Variants in TDRD6 observed in about 807,000 individuals in gnomAD.
The protein encoded by TDRD6 is tudor domain-containing protein 6.
A neutral mutation model predicts 157.5 loss-of-function variants in TDRD6; 186 were observed. The ratio of observed to expected loss-of-function variants is 1.18; its 90% CI spans 1.05 to 1.33. TDRD6 has a LOEUF of 1.33. Ranked by LOEUF, TDRD6 falls within the 40% of genes most tolerant of loss-of-function variation. TDRD6 has a pLI of 0.00. For missense variants in TDRD6, 3,066 were observed against 2,508.0 expected, an observed-to-expected ratio of 1.22 and a Z score of -4.75; for synonymous variants, 1,075 against 945.2, an observed-to-expected ratio of 1.14 and a Z score of -2.52.
intron 2 of TDRD6, among the ~76,000 whole-genome samples, chr6:46,696,594 T>TATATATATATAG (rs1764508540): frequency 2.4e-5 from 1 of 42,190 alleles, no homozygotes; most frequent in East Asian, 6.2e-4. Flanking sequence ...TATATATATA[T>TATATATATATAG]ATATATATTT....
rs1165374390 is a variant in TDRD6, at chr6:46,688,118, G to T, written c.-11G>T. ...AATTTCCGGAAGTGGGGGCCGCGCC[G>T]CGCCGTCAAGATGTGCTCGACGCCC... On this transcript the variant is annotated 5_prime_UTR_variant, in exon 1 of 4. Transcript: ENST00000316081. 6.7e-7 allele frequency: 1 copy of T among 1,497,466 alleles called. No homozygotes were observed. The highest frequency in any genetic ancestry group is 8.8e-7 in the Non-Finnish European group (1 of 1,132,636). 92.8% of individuals were successfully genotyped at this position (1,497,466 alleles called of 1,614,324 possible).
chr6:46,690,604 A>G lies in TDRD6; in HGVS notation c.2476A>G (p.Lys826Glu). The G allele has an allele frequency of 1.9e-6, 3 of 1,614,220 alleles. No individual in the cohort carries two copies. Among genetic ancestry groups the G allele is most frequent in the Non-Finnish European group, 2.5e-6 (3 of 1,180,026 alleles). Residue 826 changes from lysine (K) to glutamate (E), a missense_variant, in exon 1 of 4, where the codon AAG becomes GAG. By Grantham distance (56) the Lys-to-Glu change is moderately conservative. Coordinates refer to ENST00000316081, the MANE Select transcript of TDRD6 (RefSeq NM_001010870.3). ...GAGAAACACCCTTGCTTGTTTGGCT[A>G]AGCGAACAGTAAACAGACAGTGGTC... is the stretch of plus-strand genomic sequence containing the variant. ...HQRNTLACLA[K>E]RTVNRQWSRA...
intron 2 of TDRD6, among the ~76,000 whole-genome samples, chr6:46,697,091 T>C (rs1265881969): frequency 7.2e-5 from 11 of 152,162 alleles, no homozygotes; most frequent in Admixed American, 7.2e-4. Context: ...TAAGTGTTTA[T>C]GTACTCTCTT....
rs1391579488 is a variant in TDRD6 at position 46,692,126 on chromosome 6, A to G, written c.3998A>G (p.His1333Arg). 4 of 1,613,442 alleles carry G rather than the reference A, an allele frequency of 2.5e-6. No individual in the cohort carries two copies. The highest frequency in any genetic ancestry group is 3.4e-6 in the Non-Finnish European group (4 of 1,179,752). The change falls in exon 1 of 4, where the codon CAT (histidine) becomes CGT (arginine). Residue 1333 changes from histidine (H) to arginine (R), a missense_variant. Coordinates refer to ENST00000316081, the MANE Select transcript of TDRD6 (RefSeq NM_001010870.3). ...QLIEDEAEIS[H>R]LSERLNSVKT... ...ATAGAAGATGAAGCTGAAATTAGTC[A>G]TCTTTCAGAGAGATTAAACAGTGTT... is the stretch of plus-strand genomic sequence containing the variant.
chr6:46,692,783 A>G lies in TDRD6; in HGVS notation c.4655A>G (p.Gln1552Arg), dbSNP rs1372404520. ...CTTCAGTGTTTAGAAGTAGAAGTAC[A>G]GACTGCTGGAGAACAGGTAGCAGAC... The part of the protein sequence containing the change: ...EKLQCLEVEV[Q>R]TAGEQVADRR... The change falls in exon 1 of 4, where the codon CAG becomes CGG. Residue 1552 changes from glutamine to arginine, a missense_variant. Physicochemically the swap from Gln to Arg is conservative, Grantham distance 43 (BLOSUM62 1). Transcript: ENST00000316081. The G allele has an allele frequency of 1.2e-5, 20 of 1,614,186 alleles. No homozygotes were observed. The highest frequency in any genetic ancestry group is 1.7e-5 in the Non-Finnish European group (20 of 1,180,038).
At position 46,688,880 on chromosome 6, in the gene TDRD6, C is replaced by T; in HGVS notation, c.752C>T (p.Thr251Met). The T allele has an allele frequency of 3.7e-6, 6 of 1,605,192 alleles. No homozygotes were observed. Among genetic ancestry groups the T allele is most frequent in the East Asian group, 2.2e-5 (1 of 44,624 alleles). ...YFYPQLQLGV[T>M]EAVVITQVCH... is the part of the protein sequence containing the mutation. Reference sequence around the variant, plus strand: ...TATCCCCAGCTGCAGCTGGGCGTGACGGAGGCCGTGGTCATAACCCAAGTG... The same window carrying T: ...TATCCCCAGCTGCAGCTGGGCGTGATGGAGGCCGTGGTCATAACCCAAGTG... Residue 251 changes from threonine (T) to methionine (M), a missense_variant, in exon 1 of 4, where the codon ACG (threonine) becomes ATG (methionine). Coordinates refer to ENST00000316081, the MANE Select transcript of TDRD6 (RefSeq NM_001010870.3).
At position 46,693,580 on chromosome 6, in the gene TDRD6, A is replaced by T; in HGVS notation, c.5452A>T (p.Thr1818Ser). 1 of 1,614,232 alleles carries T rather than the reference A, an allele frequency of 6.2e-7. No homozygotes were observed. Among genetic ancestry groups the T allele is most frequent in the Non-Finnish European group, 8.5e-7 (1 of 1,180,042 alleles). The change falls in exon 1 of 4, where the codon ACA becomes TCA. Residue 1818 changes from threonine (T) to serine (S), a missense_variant. Thr to Ser is a moderately conservative substitution (Grantham distance 58). Coordinates refer to ENST00000316081, the MANE Select transcript of TDRD6 (RefSeq NM_001010870.3). ...DDKYLITGFN[T>S]LLPHANETKE... ...TAAATACCTGATTACAGGATTTAAC[A>T]CATTACTACCACATGCTAATGAAAC...
chr6:46,685,775 A>T (rs540644194), upstream of TDRD6, among the ~76,000 whole-genome samples: 28 of 151,352 alleles, frequency 1.8e-4, no homozygotes, highest in Admixed American at 1.6e-3. Flanking sequence ...ATAATAATAA[A>T]AAAAAAATCC....
chr6:46,703,905 C>CA lies in TDRD6; in HGVS notation c.*2024dup, dbSNP rs998338842. 1 of 152,208 alleles carries CA rather than the reference C, an allele frequency of 6.6e-6. No individual in the cohort carries two copies. The highest frequency in any genetic ancestry group is 1.5e-5 in the Non-Finnish European group (1 of 68,116). The allele number at this position is 152,208 out of a possible 1,614,324, so 9.4% of individuals were successfully genotyped here. A position where few individuals can be genotyped will look rare whatever the true frequency, so the allele number is the denominator to read the frequency against. On this transcript the variant is annotated 3_prime_UTR_variant, in exon 4 of 4. Transcript: ENST00000316081. ...TGCCTTAAAGAATTAAAGAAAGTGTCAAAAAATTACCAATTTAATCCACTG... is the reference window on the plus strand; with the variant it reads ...TGCCTTAAAGAATTAAAGAAAGTGTCAAAAAAATTACCAATTTAATCCACTG...
chr6:46,685,403 G>T (rs1469413929), upstream of TDRD6, among the ~76,000 whole-genome samples: 1 of 152,080 alleles, frequency 6.6e-6, no homozygotes, highest in Non-Finnish European at 1.5e-5. Flanking sequence ...ATACACAGAG[G>T]CCTAAGACAG....
In TDRD6 at chr6:46,691,905, A is replaced by G; in HGVS notation, c.3777A>G (p.Glu1259=). 1 of 1,594,968 alleles carries G rather than the reference A, an allele frequency of 6.3e-7. No homozygotes were observed. Among genetic ancestry groups the G allele is most frequent in the Non-Finnish European group, 8.5e-7 (1 of 1,174,908 alleles). ...QVFPLTTEKK[E]EISAETPLKT... ...TTCCATTAACAACAGAAAAGAAAGA[A>G]GAAATTTCTGCTGAGACACCCTTGA... is the stretch of plus-strand genomic sequence containing the variant. Residue 1259 remains glutamate (E), a synonymous_variant, in exon 1 of 4, where the codon GAA becomes GAG. Transcript: ENST00000316081.
intron 3 of TDRD6, 71 bp downstream of exon 3, chr6:46,698,158 T>C: frequency 8.6e-7 from 1 of 1,157,976 alleles, no homozygotes; most frequent in South Asian, 1.5e-5. Context: ...TAACAAACTA[T>C]TTCCAAAGTC....
At chr6:46,684,387 G>GTA (rs1764038854), upstream of TDRD6, among the ~76,000 whole-genome samples, 1 of 151,664 alleles carries the variant, frequency 6.6e-6, no homozygotes, top group South Asian at 2.1e-4. Context: ...GTGTGTGTGT[G>GTA]TGTGTGTCAT....
rs1441366171 is a variant in TDRD6 at position 46,691,844 on chromosome 6, A to G, written c.3716A>G (p.Tyr1239Cys). 1.2e-6 allele frequency: 2 copies of G among 1,600,576 alleles called. No homozygotes were observed. The highest frequency in any genetic ancestry group is 1.8e-5 in the Admixed American group (1 of 55,760). ...ACAAAAACAAACTTAGTCACTCAAT[A>G]TCAAGACTCTGTGGGAAATAAAAAT... The part of the protein sequence containing the change: ...SLTKTNLVTQ[Y>C]QDSVGNKNSQ... Residue 1239 changes from tyrosine to cysteine, a missense_variant, in exon 1 of 4, where the codon TAT becomes TGT. By Grantham distance (194) the Tyr-to-Cys change is radical. Transcript: ENST00000316081.
In TDRD6 at chr6:46,692,356, A is replaced by T; in HGVS notation, c.4228A>T (p.Ile1410Leu). ...KIGRLDLVNA[I>L]LPGLCIHCSL... ...AGGTAGGCTTGACCTTGTTAATGCA[A>T]TATTGCCGGGGTTGTGCATTCATTG... Residue 1410 changes from isoleucine to leucine, a missense_variant, in exon 1 of 4, where the codon ATA becomes TTA. Physicochemically the swap from Ile to Leu is conservative, Grantham distance 5. Coordinates refer to ENST00000316081, the MANE Select transcript of TDRD6 (RefSeq NM_001010870.3). 6.2e-7 allele frequency: 1 copy of T among 1,614,132 alleles called. No individual in the cohort carries two copies. Among genetic ancestry groups the T allele is most frequent in the Non-Finnish European group, 8.5e-7 (1 of 1,180,018 alleles).
chr6:46,692,689 A>AT lies in TDRD6; in HGVS notation c.4562dup (p.Arg1522LysfsTer11). The AT allele has an allele frequency of 6.2e-7, 1 of 1,613,950 alleles. No homozygotes were observed. On this transcript the variant is annotated frameshift_variant, in exon 1 of 4. Transcript: ENST00000316081. LOFTEE classifies it high-confidence loss of function. The stretch of plus-strand genomic sequence containing the variant: ...CTGGTATAATCCAGAAAAAAAAATG[A>AT]TAAGAGCTTATGCCACTGTGATAGA...
At position 46,689,115 on chromosome 6, in the gene TDRD6, A is replaced by G; in HGVS notation, c.987A>G (p.Ala329=). The change falls in exon 1 of 4, where the codon GCA becomes GCG. Residue 329 remains alanine (A), a synonymous_variant. Coordinates refer to ENST00000316081, the MANE Select transcript of TDRD6 (RefSeq NM_001010870.3). Reference sequence around the variant, plus strand: ...GCCTGGATGGACATTGGTACAGAGCACTGTTGCTTGAGACTTTTCGGCCCC... The same window carrying G: ...GCCTGGATGGACATTGGTACAGAGCGCTGTTGCTTGAGACTTTTCGGCCCC... ...SCGLDGHWYR[A]LLLETFRPQR... The G allele has an allele frequency of 6.2e-7, 1 of 1,614,096 alleles. No individual in the cohort carries two copies. The highest frequency in any genetic ancestry group is 8.5e-7 in the Non-Finnish European group (1 of 1,180,020).
rs1764312446 is a variant in TDRD6, at chr6:46,691,413, T to G, written c.3285T>G (p.Ala1095=). ...AYDVLLLPMQ[A]VRCSLSDIPD... Reference sequence around the variant, plus strand: ...ATGTCTTACTTTTGCCCATGCAAGCTGTCAGATGTTCATTATCTGATATTC... The same window carrying G: ...ATGTCTTACTTTTGCCCATGCAAGCGGTCAGATGTTCATTATCTGATATTC... Residue 1095 remains alanine, a synonymous_variant, in exon 1 of 4, where the codon GCT becomes GCG. Transcript: ENST00000316081. 5 of 1,614,096 alleles carry G rather than the reference T, an allele frequency of 3.1e-6. No individual in the cohort carries two copies. Among genetic ancestry groups the G allele is most frequent in the Non-Finnish European group, 3.4e-6 (4 of 1,179,966 alleles).
intron 3 of TDRD6, among the ~76,000 whole-genome samples, chr6:46,698,818 T>C (rs1451151241): frequency 1.3e-5 from 2 of 152,250 alleles, no homozygotes; most frequent in African/African-American, 4.8e-5. Context: ...CATTGGGTCC[T>C]GTTAAAATCT....
Sources: allele counts gnomAD v4.1 joint callset (sites outside exome capture counted in the v4.1 genomes callset), GRCh38; gene constraint gnomAD v4.1.1; transcripts MANE v1.5; gene names NCBI Gene and HGNC (gene_info 2026-07-23, HGNC 2026-07-21).